LOC728743: variants seen among roughly 807,000 people sequenced by gnomAD.
the LOC728743 span, chr7:150,405,347 G>C: frequency 6.6e-6 from 1 of 152,274 alleles, no homozygotes; most frequent in Non-Finnish European, 1.5e-5. Flanking sequence ...CGCTGGGGCC[G>C]CGGCGGGAGG....
chr7:150,404,683 C>G, the LOC728743 span: 1 of 152,302 alleles, frequency 6.6e-6, no homozygotes, highest in Non-Finnish European at 1.5e-5. Context: ...GTAAGTTGCT[C>G]TTTTATGGGA....
the LOC728743 span, among the ~76,000 whole-genome samples, chr7:150,402,316 C>T: frequency 6.6e-6 from 1 of 152,194 alleles, no homozygotes; most frequent in Non-Finnish European, 1.5e-5. Flanking sequence ...TGAGGCCTCA[C>T]GCTGAGCCTC....
At chr7:150,406,411 G>A in the LOC728743 span, among the ~76,000 whole-genome samples, 3 of 152,266 alleles carry the variant, frequency 2.0e-5, no homozygotes, top group Middle Eastern at 3.4e-3. Context: ...GGAATGCATG[G>A]CTCTGTGACG....
chr7:150,401,283 G>A, the LOC728743 span, among the ~76,000 whole-genome samples: 1 of 152,296 alleles, frequency 6.6e-6, no homozygotes, highest in East Asian at 1.9e-4. Context: ...TAAGGCAGTC[G>A]GCCTCATTGA....
the LOC728743 span, chr7:150,408,518 T>A: frequency 3.9e-6 from 1 of 258,562 alleles, no homozygotes; most frequent in Non-Finnish European, 7.3e-6. Flanking sequence ...CCAGAGCCCC[T>A]CTCAGGGCTG....
At chr7:150,401,267 G>A in the LOC728743 span, among the ~76,000 whole-genome samples, 2 of 152,346 alleles carry the variant, frequency 1.3e-5, no homozygotes, top group East Asian at 1.9e-4. Context: ...GCTTCAAGTC[G>A]TCCGGTAAGG....
the LOC728743 span, among the ~76,000 whole-genome samples, chr7:150,408,873 A>G: frequency 9.2e-5 from 14 of 152,132 alleles, no homozygotes; most frequent in African/African-American, 3.1e-4. Flanking sequence ...TGGTGCACAG[A>G]GCCTTAGTTG....
At chr7:150,409,640 G>C in the LOC728743 span, among the ~76,000 whole-genome samples, 1 of 152,206 alleles carries the variant, frequency 6.6e-6, no homozygotes, top group Non-Finnish European at 1.5e-5. Flanking sequence ...GGAGCAGGGA[G>C]GATTTGGGGC....
chr7:150,407,843 A>G, the LOC728743 span: 1 of 422,776 alleles, frequency 2.4e-6, no homozygotes, highest in Non-Finnish European at 4.2e-6. Flanking sequence ...CAAGGCCTTC[A>G]GCGTCAAGCA....
At chr7:150,402,434 C>T in the LOC728743 span, among the ~76,000 whole-genome samples, 1 of 152,146 alleles carries the variant, frequency 6.6e-6, no homozygotes, top group Non-Finnish European at 1.5e-5. Flanking sequence ...TCCTCCAAAC[C>T]CTTGGGGGCC....
At chr7:150,409,166 T>G in the LOC728743 span, among the ~76,000 whole-genome samples, 16 of 139,278 alleles carry the variant, frequency 1.1e-4, no homozygotes, top group East Asian at 2.2e-4. Context: ...GATAGTTCAG[T>G]GACTGTCTCC....
chr7:150,408,417 T>A, the LOC728743 span: 3 of 350,532 alleles, frequency 8.6e-6, no homozygotes, highest in African/African-American at 4.3e-5. Flanking sequence ...CGGGACCCTC[T>A]GGCTGGCTGC....
At chr7:150,409,787 C>T in the LOC728743 span, among the ~76,000 whole-genome samples, 1 of 152,062 alleles carries the variant, frequency 6.6e-6, no homozygotes, top group African/African-American at 2.4e-5. Flanking sequence ...GTGCTGGGTG[C>T]TGGAGACTCG....
the LOC728743 span, among the ~76,000 whole-genome samples, chr7:150,407,305 C>CA: frequency 6.6e-6 from 1 of 152,124 alleles, no homozygotes; most frequent in Non-Finnish European, 1.5e-5. Context: ...ATGGTTGTGT[C>CA]ACACGGTGTT....
the LOC728743 span, chr7:150,407,764 C>T: frequency 2.5e-6 from 1 of 400,794 alleles, no homozygotes; most frequent in East Asian, 3.6e-5. Context: ...AGCAGCCCAG[C>T]CTGGTGCGGC....
chr7:150,409,151 G>T, the LOC728743 span, among the ~76,000 whole-genome samples: 2 of 142,854 alleles, frequency 1.4e-5, no homozygotes, highest in Admixed American at 6.9e-5. Flanking sequence ...GGGAGGGGGG[G>T]TCCTGATAGT....
At chr7:150,408,526 C>A in the LOC728743 span, 1 of 253,880 alleles carries the variant, frequency 3.9e-6, no homozygotes, top group Non-Finnish European at 7.5e-6. Context: ...CCTCTCAGGG[C>A]TGGGAGTGGT....
chr7:150,408,107 T>G, the LOC728743 span: 2 of 380,560 alleles, frequency 5.3e-6, no homozygotes, highest in Non-Finnish European at 9.3e-6. Flanking sequence ...GCGGCGGCCC[T>G]ACTTCTGCCC....
the LOC728743 span, among the ~76,000 whole-genome samples, chr7:150,409,418 G>A: frequency 6.6e-6 from 1 of 152,168 alleles, no homozygotes; most frequent in Non-Finnish European, 1.5e-5. Context: ...GTGAGAAAGG[G>A]GGCAGCCAGG....
Sources: allele counts gnomAD v4.1 joint callset (sites outside exome capture counted in the v4.1 genomes callset), GRCh38; gene constraint gnomAD v4.1.1; transcripts MANE v1.5.